The following ANKRD26 variants were observed in gnomAD, a reference collection of about 807,000 sequenced individuals.
ANKRD26 encodes ankyrin repeat domain-containing protein 26.
A neutral mutation model predicts 208.7 loss-of-function variants in ANKRD26; 141 were observed. The observed-to-expected ratio is 0.68, with a 90% CI of 0.59 to 0.78. ANKRD26 has a LOEUF of 0.78. Among genes scored for constraint, ANKRD26 ranks in the 30% least tolerant of loss-of-function variants. The pLI is 0.00. For missense variants in ANKRD26, 1,889 were observed against 1,938.7 expected, an observed-to-expected ratio of 0.97 and a Z score of 0.48; for synonymous variants, 636 against 660.4, an observed-to-expected ratio of 0.96 and a Z score of 0.57.
intron 29 of ANKRD26, among the ~76,000 whole-genome samples, chr10:27,021,623 C>T (rs1403217262): frequency 6.6e-6 from 1 of 152,084 alleles, no homozygotes; most frequent in African/African-American, 2.4e-5. Context: ...TTTTTGCCTA[C>T]TTTTGAATTA....
At position 27,093,376 on chromosome 10, in the gene ANKRD26, A is replaced by G. The variant is rs780166926; in HGVS notation, c.504T>C (p.Tyr168=). ...TGTTTTTTGCTTCAATATTTGCATC[A>G]TACAAAAGCAGCTTTGTTGCTACTG... The part of the protein sequence containing the change: ...DISVATKLLL[Y]DANIEAKNKD... Residue 168 remains tyrosine, a synonymous_variant, in exon 3 of 34, where the codon TAT becomes TAC. Coordinates refer to ENST00000376087, the MANE Select transcript of ANKRD26 (RefSeq NM_014915.3). The G allele has an allele frequency of 2.1e-5, 34 of 1,614,038 alleles. No homozygotes were observed. In the South Asian group the frequency reaches 3.2e-4, roughly 15 times the overall value.
the ANKRD26 span, among the ~76,000 whole-genome samples, chr10:26,965,954 A>G: frequency 6.6e-6 from 1 of 152,206 alleles, no homozygotes; most frequent in South Asian, 2.1e-4. Flanking sequence ...TGCCAGTCAG[A>G]ATGGTGATTA....
chr10:27,022,566 T>C lies in ANKRD26; in HGVS notation c.4207A>G (p.Lys1403Glu). The change falls in exon 29 of 34, where the codon AAA becomes GAA. Residue 1403 changes from lysine to glutamate, a missense_variant. Coordinates refer to ENST00000376087, the MANE Select transcript of ANKRD26 (RefSeq NM_014915.3). ...FEMDIQINKL[K>E]HKIDDLTAEL... ...AACTTATTAAAAATTACCTTATGTT[T>C]TAGCTTATTAATCTGAATATCCATT... The C allele has an allele frequency of 1.3e-6, 2 of 1,528,940 alleles. No homozygotes were observed. The highest frequency in any genetic ancestry group is 1.8e-6 in the Non-Finnish European group (2 of 1,110,820). The allele number at this position is 1,528,940 out of a possible 1,614,324, so 94.7% of individuals were successfully genotyped here.
intron 3 of ANKRD26, 36 bp downstream of exon 3, chr10:27,093,313 T>G: frequency 6.3e-7 from 1 of 1,594,440 alleles, no homozygotes; most frequent in Non-Finnish European, 8.6e-7. Flanking sequence ...CAAACGCATT[T>G]CAAATACTGT....
intron 28 of ANKRD26, among the ~76,000 whole-genome samples, chr10:27,023,300 C>T (rs965763510): frequency 6.6e-6 from 1 of 151,476 alleles, no homozygotes; most frequent in African/African-American, 2.4e-5. Context: ...CGAGACTGCA[C>T]CACCACACTC....
At chr10:27,060,489 G>A (rs911391007) in intron 14 of ANKRD26, 23 bp downstream of exon 14, 52 of 1,562,882 alleles carry the variant, frequency 3.3e-5, no homozygotes, top group Non-Finnish European at 4.3e-5. Flanking sequence ...AATAATTCAA[G>A]ATAAAAATAT....
intron 12 of ANKRD26, among the ~76,000 whole-genome samples, chr10:27,061,561 T>G (rs1159406204): frequency 8.0e-6 from 1 of 124,460 alleles, no homozygotes; most frequent in East Asian, 2.5e-4. Context: ...CAACATCTAT[T>G]TTTTTTTTTT....
chr10:27,097,543 A>G (rs1015978690), intron 1 of ANKRD26, among the ~76,000 whole-genome samples: 1 of 152,234 alleles, frequency 6.6e-6, no homozygotes, highest in African/African-American at 2.4e-5. Context: ...AAATGGATTG[A>G]AAGAATGGAA....
At chr10:27,061,084 C>A in intron 13 of ANKRD26, 60 bp downstream of exon 13, 1 of 1,220,888 alleles carries the variant, frequency 8.2e-7, no homozygotes, top group Admixed American at 1.7e-5. Flanking sequence ...CTGAATTGAT[C>A]AGCTTGGATA....
chr10:27,093,315 A>C, intron 3 of ANKRD26, 34 bp downstream of exon 3: 1 of 1,596,888 alleles, frequency 6.3e-7, no homozygotes, highest in East Asian at 2.2e-5. Context: ...AACGCATTTC[A>C]AATACTGTAA....
intron 3 of ANKRD26, among the ~76,000 whole-genome samples, chr10:26,982,868 C>T (rs1424548086): frequency 6.6e-6 from 1 of 152,124 alleles, no homozygotes; most frequent in East Asian, 1.9e-4. Context: ...CTATTATGAG[C>T]AATAGCTTCT....
At position 27,100,411 on chromosome 10, in the gene ANKRD26, C is replaced by T. The variant is rs2056613494; in HGVS notation, c.-85G>A. 8.3e-6 allele frequency: 13 copies of T among 1,565,842 alleles called. No homozygotes were observed. The highest frequency in any genetic ancestry group is 2.7e-5 in the African/African-American group (2 of 73,574). On this transcript the variant is annotated 5_prime_UTR_variant, in exon 1 of 34. Transcript: ENST00000376087. ...GGAGCCCAACATAACAAGTCAGCCC[C>T]GGCTGGCCGCAGCCTCCCAAAGGAA...
downstream of ANKRD26, among the ~76,000 whole-genome samples, chr10:26,972,140 C>T (rs572111492): frequency 6.6e-6 from 1 of 150,738 alleles, no homozygotes; most frequent in Non-Finnish European, 1.5e-5. Flanking sequence ...GAGGCTGAGG[C>T]AGGAGAATGG....
chr10:26,970,184 G>C (rs1451998480), downstream of ANKRD26, among the ~76,000 whole-genome samples: 1 of 151,994 alleles, frequency 6.6e-6, no homozygotes, highest in East Asian at 1.9e-4. Flanking sequence ...TCATAAACTA[G>C]GTGATTTCTT....
chr10:26,981,649 T>C (rs2052310392), intron 4 of ANKRD26, among the ~76,000 whole-genome samples: 1 of 152,256 alleles, frequency 6.6e-6, no homozygotes, highest in Non-Finnish European at 1.5e-5. Context: ...ATTTTGCATA[T>C]ACCCAGCGGG....
At chr10:27,096,817 C>A (rs2135761656) in intron 1 of ANKRD26, among the ~76,000 whole-genome samples, 1 of 151,128 alleles carries the variant, frequency 6.6e-6, no homozygotes, top group East Asian at 2.0e-4. Context: ...TTCATGTCCA[C>A]TACTGTTATG....
intron 18 of ANKRD26, among the ~76,000 whole-genome samples, chr10:27,045,458 C>T (rs1427425963): frequency 6.6e-6 from 1 of 150,916 alleles, no homozygotes; most frequent in African/African-American, 2.4e-5. Flanking sequence ...ACTCAGCATA[C>T]ATGTCAATGA....
the ANKRD26 span, among the ~76,000 whole-genome samples, chr10:26,966,866 T>C: frequency 6.6e-6 from 1 of 152,182 alleles, no homozygotes; most frequent in Admixed American, 6.5e-5. Flanking sequence ...AAATTCATAG[T>C]CTTGATTCAT....
intron 29 of ANKRD26, among the ~76,000 whole-genome samples, chr10:27,018,812 C>T (rs2053391057): frequency 6.6e-6 from 1 of 152,072 alleles, no homozygotes; most frequent in African/African-American, 2.4e-5. Flanking sequence ...AGACCCCTAT[C>T]GAACACCATA....
Sources: gnomAD v4.1 joint callset for allele counts (sites outside exome capture counted in the v4.1 genomes callset) on GRCh38, gnomAD v4.1.1 for gene constraint, MANE v1.5 for transcripts, NCBI Gene and HGNC (gene_info 2026-07-23, HGNC 2026-07-21) for gene names.